The following TTC34 variants were observed in gnomAD, a reference collection of about 807,000 sequenced individuals.
TTC34 encodes tetratricopeptide repeat domain 34, also known as tetratricopeptide repeat protein 34.
TTC34 carries 44 observed loss-of-function variants against 40.7 expected under a neutral mutation model. That is an observed-to-expected ratio of 1.08 (90% CI 0.85 to 1.39). The LOEUF (loss-of-function observed/expected upper bound fraction) is 1.39, where lower values mean the gene tolerates loss of function less well. TTC34 is among the 40% of genes most tolerant of loss of function. TTC34 has a pLI of 0.00. For synonymous variants in TTC34, 422 were observed against 398.6 expected (o/e 1.06, Z -0.70); for missense variants, 884 against 838.0 (o/e 1.05, Z -0.68).
At position 2,800,657 on chromosome 1, in the gene TTC34, C is replaced by T. The variant is rs555485925; in HGVS notation, c.171G>A (p.Ala57=). ...ACCAGGACTCCAGGGTGGCCACCAC[C>T]GCCGCCCCCCGAGCCTGGGCCAGGG... The change falls in exon 2 of 9, where the codon GCG becomes GCA. Residue 57 remains alanine (A), a synonymous_variant. Transcript: ENST00000401095. The T allele has an allele frequency of 1.4e-4, 54 of 398,538 alleles. 2 individuals are homozygous for T. In the South Asian group the frequency reaches 6.4e-3, roughly 47 times the overall value. The allele number at this position is 398,538 out of a possible 1,614,324, so 24.7% of individuals were successfully genotyped here.
At chr1:2,674,720 C>T (rs1570786488) in intron 6 of TTC34, among the ~76,000 whole-genome samples, 12 of 74,050 alleles carry the variant, frequency 1.6e-4, no homozygotes, top group East Asian at 1.1e-3. Context: ...GCACCCTGCA[C>T]CCCCAGGTGA....
Position 2,660,044 on chromosome 1 carries a change from T to C in TTC34, c.2227-14481A>G, listed in dbSNP as rs1469101905. Among the ~76,000 whole-genome samples, 227 of 126,010 alleles carry C rather than the reference T, an allele frequency of 1.8e-3. No homozygotes were observed. In the Middle Eastern group the frequency reaches 0.04, roughly 22 times the overall value. 82.7% of individuals were successfully genotyped at this position (126,010 alleles called of 152,430 possible). ...GCACCCACACCCCCAGGCGAGCATC[T>C]GATAGCCTGGAACAGCACCCACACC... On this transcript the variant is annotated intron_variant, in intron 6 of 8. Coordinates refer to ENST00000401095, the Ensembl canonical transcript of TTC34.
intron 6 of TTC34, among the ~76,000 whole-genome samples, chr1:2,694,847 T>C (rs1271021693): frequency 1.5e-5 from 1 of 67,536 alleles, no homozygotes. Context: ...GGTGAGCATC[T>C]GATGGTCTGG....
chr1:2,776,465 G>T (rs1237123370), intron 6 of TTC34: 1 of 109,164 alleles, frequency 9.2e-6, no homozygotes, highest in Non-Finnish European at 1.8e-5. Flanking sequence ...GCATCTGGCA[G>T]CCTGGAAAAA....
chr1:2,646,653 T>C lies in TTC34; in HGVS notation c.2227-1090A>G, dbSNP rs141542938. On this transcript the variant is annotated intron_variant, in intron 6 of 8. Transcript: ENST00000401095. Reference sequence around the variant, plus strand: ...CTCCCACCTTGGCCTCCCAAAGTACTGGCATTACAGGTGTGAGCTACCACA... The same window carrying C: ...CTCCCACCTTGGCCTCCCAAAGTACCGGCATTACAGGTGTGAGCTACCACA... Among the ~76,000 whole-genome samples, 41 of 152,370 alleles carry C rather than the reference T, an allele frequency of 2.7e-4. No homozygotes were observed. The East Asian group carries it at 7.9e-3, about 29-fold the overall frequency.
At chr1:2,771,559 CACAA>C (rs1642151817) in intron 6 of TTC34, among the ~76,000 whole-genome samples, 1 of 70,266 alleles carries the variant, frequency 1.4e-5, no homozygotes, top group African/African-American at 1.1e-4. Flanking sequence ...GAGCAGCACA[CACAA>C]CCCCAGGCGA....
intron 6 of TTC34, among the ~76,000 whole-genome samples, chr1:2,684,371 T>G (rs1282532189): frequency 1.0e-4 from 15 of 148,936 alleles, no homozygotes; most frequent in African/African-American, 3.1e-4. Context: ...GGTGAGCATC[T>G]GACAGCCTGG....
chr1:2,789,731 C>T, exon 3 of TTC34: 1 of 819,870 alleles, frequency 1.2e-6, no homozygotes, highest in Non-Finnish European at 1.7e-6. Flanking sequence ...GAACGCGCTG[C>T]CCGCCAGCAC....
chr1:2,756,995 G>GAGCCTCTGACAGCCTGGAACAGCACGCGC (rs1641528455), intron 6 of TTC34, among the ~76,000 whole-genome samples: 1 of 151,590 alleles, frequency 6.6e-6, no homozygotes, highest in African/African-American at 2.4e-5. Flanking sequence ...ACGCCCAGGT[G>GAGCCTCTGACAGCCTGGAACAGCACGCGC]AGCCTCTGAC....
chr1:2,765,753 C>A (rs1641770190), intron 6 of TTC34, among the ~76,000 whole-genome samples: 1 of 48,592 alleles, frequency 2.1e-5, no homozygotes, highest in Non-Finnish European at 3.3e-5. Flanking sequence ...GCAGCGCCCA[C>A]ACCCCCAGGT....
chr1:2,657,415 C>A (rs1266749242), intron 6 of TTC34, among the ~76,000 whole-genome samples: 1 of 90,794 alleles, frequency 1.1e-5, no homozygotes, highest in Non-Finnish European at 2.8e-5. Context: ...GGAGCAGTAC[C>A]AGTACCCCCA....
At chr1:2,785,483 G>A (rs1036783882) in intron 5 of TTC34, among the ~76,000 whole-genome samples, 1 of 152,184 alleles carries the variant, frequency 6.6e-6, no homozygotes, top group African/African-American at 2.4e-5. Context: ...GCTGAGGGGA[G>A]CAGGGACCTC....
At position 2,687,573 on chromosome 1, in the gene TTC34, G is replaced by T. The variant is rs1428742677; in HGVS notation, c.2227-42010C>A. On this transcript the variant is annotated intron_variant, in intron 6 of 8. Transcript: ENST00000401095. The stretch of plus-strand genomic sequence containing the variant: ...ATGGAGCAGCACGCTGCACCGCCAG[G>T]TGACGATCTGACAGCCTGGAACAGC... 7.9e-5 allele frequency among the ~76,000 whole-genome samples: 11 copies of T among 138,604 alleles called. No homozygotes were observed. The East Asian group carries it at 2.2e-3, about 27-fold the overall frequency. The allele number at this position is 138,604 out of a possible 152,430, so 90.9% of individuals were successfully genotyped here. A position where few individuals can be genotyped will look rare whatever the true frequency, so the allele number is the denominator to read the frequency against.
chr1:2,774,730 A>T (rs1642914672), intron 6 of TTC34: 2 of 60,762 alleles, frequency 3.3e-5, no homozygotes, highest in Non-Finnish European at 6.2e-5. Context: ...GACAGCCTGG[A>T]GCAGCACCCA....
intron 6 of TTC34, among the ~76,000 whole-genome samples, chr1:2,676,927 C>T (rs1347847343): frequency 7.2e-6 from 1 of 138,092 alleles, no homozygotes; most frequent in Non-Finnish European, 1.6e-5. Flanking sequence ...AGCACCCACA[C>T]CCCCAGGTGA....
chr1:2,681,667 C>G (rs1243355496), intron 6 of TTC34, among the ~76,000 whole-genome samples: 1 of 88,268 alleles, frequency 1.1e-5, no homozygotes, highest in Non-Finnish European at 2.9e-5. Flanking sequence ...ATCCACACCC[C>G]CAGGTGAGCA....
chr1:2,695,980 G>T (rs527486093), intron 6 of TTC34, among the ~76,000 whole-genome samples: 1 of 122,652 alleles, frequency 8.2e-6, no homozygotes, highest in African/African-American at 3.0e-5. Flanking sequence ...CTGATAGCCT[G>T]GAACAGAACC....
At chr1:2,787,549 C>T (rs1203734881) in exon 4 of TTC34, 7 of 1,541,576 alleles carry the variant, frequency 4.5e-6, no homozygotes, top group African/African-American at 1.4e-5. Flanking sequence ...ACAGGGGCTG[C>T]CTGGGGCCTC....
intron 6 of TTC34, among the ~76,000 whole-genome samples, chr1:2,779,864 G>T (rs1174394489): frequency 6.6e-6 from 1 of 152,122 alleles, no homozygotes; most frequent in Non-Finnish European, 1.5e-5. Flanking sequence ...TGTGCTTATT[G>T]TCCATTTGTA....
Sources: allele counts gnomAD v4.1 joint callset (sites outside exome capture counted in the v4.1 genomes callset), GRCh38; gene constraint gnomAD v4.1.1; transcripts MANE v1.5; gene names NCBI Gene and HGNC (gene_info 2026-07-23, HGNC 2026-07-21).